Variants in RORB observed in about 807,000 individuals in gnomAD.
RORB encodes RAR related orphan receptor B, also known as nuclear receptor ROR-beta.
A neutral mutation model predicts 59.1 loss-of-function variants in RORB; 6 were observed. That is an observed-to-expected ratio of 0.10 (90% CI 0.06 to 0.20). RORB has a LOEUF of 0.20. RORB is among the 10% of genes least tolerant of loss of function. The pLI, the probability that RORB is intolerant of heterozygous loss-of-function variation, is 1.00. For missense variants in RORB, 320 were observed against 560.5 expected (o/e 0.57, Z 4.33); for synonymous variants, 215 against 204.5 (o/e 1.05, Z -0.44).
At chr9:74,657,329 G>T (rs767291684) in intron 4 of RORB, among the ~76,000 whole-genome samples, 29 of 151,900 alleles carry the variant, frequency 1.9e-4, no homozygotes, top group Non-Finnish European at 3.5e-4. Context: ...CCTCCCAAAG[G>T]GCTGGGATTA....
At chr9:74,607,217 A>G (rs531129189) in intron 1 of RORB, among the ~76,000 whole-genome samples, 2 of 152,348 alleles carry the variant, frequency 1.3e-5, no homozygotes, top group Admixed American at 1.3e-4. Context: ...TCTGAAGTCA[A>G]CTTCCAAGTT....
chr9:74,587,486 G>A (rs1822819128), intron 1 of RORB, among the ~76,000 whole-genome samples: 1 of 152,100 alleles, frequency 6.6e-6, no homozygotes, highest in African/African-American at 2.4e-5. Context: ...CCAAAACTTA[G>A]GAACCTGTAA....
At position 74,636,775 on chromosome 9, in the gene RORB, G is replaced by A. The variant is rs535905545; in HGVS notation, c.235+2003G>A. On this transcript the variant is annotated intron_variant, in intron 3 of 9. Coordinates refer to ENST00000376896, the MANE Select transcript of RORB (RefSeq NM_006914.4). Reference sequence around the variant, plus strand: ...AAATGGTCACGGGGGTGTGGGTGGGGTGGGGAATCTGGAGAAGAAGGGGCT... The same window carrying A: ...AAATGGTCACGGGGGTGTGGGTGGGATGGGGAATCTGGAGAAGAAGGGGCT... 2.6e-5 allele frequency among the ~76,000 whole-genome samples: 4 copies of A among 152,104 alleles called. No homozygotes were observed. The South Asian group carries it at 8.3e-4, about 32-fold the overall frequency.
intron 4 of RORB, among the ~76,000 whole-genome samples, chr9:74,647,095 C>T (rs1284520114): frequency 2.0e-5 from 3 of 152,060 alleles, no homozygotes; most frequent in Non-Finnish European, 2.9e-5. Context: ...ACAAGTAAGC[C>T]GAAAATTAAT....
chr9:74,501,715 T>C (rs1017531530), intron 1 of RORB, among the ~76,000 whole-genome samples: 2 of 152,012 alleles, frequency 1.3e-5, no homozygotes, highest in Admixed American at 1.3e-4. Context: ...CCCAGCATCA[T>C]GGGTGAGTTT....
intron 9 of RORB, among the ~76,000 whole-genome samples, chr9:74,684,208 A>T (rs1312322940): frequency 6.6e-6 from 1 of 152,220 alleles, no homozygotes; most frequent in Non-Finnish European, 1.5e-5. Context: ...AGGAAAGTTA[A>T]TGAAAGAGTG....
chr9:74,553,311 C>T (rs113500863), intron 1 of RORB, among the ~76,000 whole-genome samples: 2 of 152,154 alleles, frequency 1.3e-5, no homozygotes, highest in African/African-American at 4.8e-5. Flanking sequence ...AGGAACCAAA[C>T]ATTTCATCTA....
intron 1 of RORB, among the ~76,000 whole-genome samples, chr9:74,574,482 T>G (rs889939918): frequency 6.6e-6 from 1 of 152,130 alleles, no homozygotes; most frequent in African/African-American, 2.4e-5. Flanking sequence ...TTAACAACAA[T>G]TGCATAAATA....
At position 74,644,576 on chromosome 9, in the gene RORB, G is replaced by A. The variant is rs185520396; in HGVS notation, c.637+1761G>A. Among the ~76,000 whole-genome samples, 437 of 152,216 alleles carry A rather than the reference G, an allele frequency of 2.9e-3. 8 individuals are homozygous for A. Among genetic ancestry groups the A allele is most frequent in the African/African-American group, 1.0e-2 (415 of 41,524 alleles). ...CCACTCCTCTGTTAACCTGCTACCT[G>A]CCATGGGTCTCAATTCATAGACTGC... is the stretch of plus-strand genomic sequence containing the variant. On this transcript the variant is annotated intron_variant, in intron 4 of 9. Coordinates refer to ENST00000376896, the MANE Select transcript of RORB (RefSeq NM_006914.4).
chr9:74,564,096 A>G (rs1822437830), intron 1 of RORB, among the ~76,000 whole-genome samples: 1 of 152,170 alleles, frequency 6.6e-6, no homozygotes, highest in Admixed American at 6.5e-5. Flanking sequence ...ACACAATAAC[A>G]TATATAAAGA....
At chr9:74,650,971 A>G (rs1419925638) in intron 4 of RORB, among the ~76,000 whole-genome samples, 1 of 152,174 alleles carries the variant, frequency 6.6e-6, no homozygotes, top group African/African-American at 2.4e-5. Flanking sequence ...CCATATGTCA[A>G]CAAAATTCAA....
chr9:74,523,025 T>C (rs10491929), intron 1 of RORB, among the ~76,000 whole-genome samples: 46,052 of 151,796 alleles, frequency 0.3, 8,830 homozygotes, highest in Non-Finnish European at 0.42. Flanking sequence ...TAGATATTTC[T>C]TGAGGTTTGA....
At chr9:74,636,600 G>A (rs1823707850) in intron 3 of RORB, among the ~76,000 whole-genome samples, 1 of 152,136 alleles carries the variant, frequency 6.6e-6, no homozygotes, top group South Asian at 2.1e-4. Flanking sequence ...AAACCTCTAT[G>A]CAAATAAGAG....
At chr9:74,677,743 T>G (rs759107256) in intron 9 of RORB, among the ~76,000 whole-genome samples, 4 of 152,166 alleles carry the variant, frequency 2.6e-5, no homozygotes, top group Non-Finnish European at 2.9e-5. Context: ...CTATCTAGAG[T>G]ATGCAGCCTT....
intron 1 of RORB, among the ~76,000 whole-genome samples, chr9:74,520,992 AGTTT>A (rs1826078564): frequency 6.6e-6 from 1 of 151,906 alleles, no homozygotes; most frequent in African/African-American, 2.4e-5. Context: ...CCCTGTATTT[AGTTT>A]ATTAGGCAAC....
chr9:74,574,989 G>T (rs1822610689), intron 1 of RORB, among the ~76,000 whole-genome samples: 1 of 151,994 alleles, frequency 6.6e-6, no homozygotes, highest in African/African-American at 2.4e-5. Context: ...TTGCATACCA[G>T]GAATATAGAA....
intron 1 of RORB, among the ~76,000 whole-genome samples, chr9:74,615,129 G>T (rs555400077): frequency 6.6e-6 from 1 of 152,126 alleles, no homozygotes; most frequent in Admixed American, 6.5e-5. Flanking sequence ...ACCTTGATGC[G>T]ATCTTTCATC....
At chr9:74,509,880 A>T (rs552622781) in intron 1 of RORB, among the ~76,000 whole-genome samples, 32 of 152,278 alleles carry the variant, frequency 2.1e-4, no homozygotes, top group African/African-American at 7.7e-4. Context: ...TACATTTGAC[A>T]TTAATTCTAA....
Position 74,627,117 on chromosome 9 carries a change from G to A in RORB, c.8-3165G>A, listed in dbSNP as rs539956826. On this transcript the variant is annotated intron_variant, in intron 1 of 9. Coordinates refer to ENST00000376896, the MANE Select transcript of RORB (RefSeq NM_006914.4). ...GCGGAGGTTGCAGTGAGCTGAGATC[G>A]CGCCACTCCACTCCAGCCTGGCAAC... 1.7e-4 allele frequency among the ~76,000 whole-genome samples: 25 copies of A among 148,194 alleles called. No individual in the cohort carries two copies. The South Asian group carries it at 4.7e-3, about 28-fold the overall frequency.
Sources: gnomAD v4.1 joint callset for allele counts (sites outside exome capture counted in the v4.1 genomes callset) on GRCh38, gnomAD v4.1.1 for gene constraint, MANE v1.5 for transcripts, NCBI Gene and HGNC (gene_info 2026-07-23, HGNC 2026-07-21) for gene names.